The following GFRA3 variants were observed in gnomAD, a reference collection of about 807,000 sequenced individuals.
GFRA3 encodes GDNF family receptor alpha-3.
A neutral mutation model predicts 40.0 loss-of-function variants in GFRA3; 24 were observed. That is an observed-to-expected ratio of 0.60 (90% CI 0.43 to 0.84). The LOEUF (loss-of-function observed/expected upper bound fraction) is 0.84. GFRA3 is among the 40% of genes least tolerant of loss of function. GFRA3 has a pLI of 0.00. For synonymous variants in GFRA3, 203 were observed against 213.5 expected, an observed-to-expected ratio of 0.95 and a Z score of 0.43; for missense variants, 405 against 530.6, an observed-to-expected ratio of 0.76 and a Z score of 2.33.
intron 2 of GFRA3, among the ~76,000 whole-genome samples, chr5:138,260,701 G>A (rs748911710): frequency 1.3e-4 from 19 of 151,750 alleles, no homozygotes; most frequent in African/African-American, 4.4e-4. Flanking sequence ...CCCGGGAGGC[G>A]GAGGCTGCAG....
intron 1 of GFRA3, among the ~76,000 whole-genome samples, chr5:138,267,911 G>A (rs900965404): frequency 6.6e-6 from 1 of 152,110 alleles, no homozygotes; most frequent in Non-Finnish European, 1.5e-5. Flanking sequence ...TTCAACAAAC[G>A]GTGCTGGGAT....
chr5:138,262,068 C>T (rs779398647), intron 2 of GFRA3, among the ~76,000 whole-genome samples: 7 of 152,134 alleles, frequency 4.6e-5, no homozygotes, highest in Non-Finnish European at 1.0e-4. Context: ...AAGATATAAG[C>T]AGCAATTATG....
intron 2 of GFRA3, among the ~76,000 whole-genome samples, chr5:138,261,991 G>C (rs913237879): frequency 2.0e-5 from 3 of 152,132 alleles, no homozygotes; most frequent in African/African-American, 7.2e-5. Context: ...CTTCTAATTA[G>C]GTGTAGAAAA....
chr5:138,265,061 C>G (rs1158166436), intron 1 of GFRA3, among the ~76,000 whole-genome samples: 1 of 152,076 alleles, frequency 6.6e-6, no homozygotes, highest in Non-Finnish European at 1.5e-5. Flanking sequence ...GAAAGGGTAA[C>G]CTGACCCTGT....
rs111465858 is a variant in GFRA3, at chr5:138,263,418, T to C, written c.379+843A>G. Among the ~76,000 whole-genome samples the C allele has an allele frequency of 2.2e-4, 33 of 152,382 alleles. 1 individual carries two copies. The highest frequency in any genetic ancestry group is 7.5e-4 in the African/African-American group (31 of 41,596). On this transcript the variant is annotated intron_variant, in intron 2 of 7. Transcript: ENST00000274721. ...TCTTTGCCTTCCCTGTAAGATTGTA[T>C]ATCCTCACTTATTGCCATGTGATTT...
At chr5:138,265,309 C>T (rs1045561971) in intron 1 of GFRA3, among the ~76,000 whole-genome samples, 1 of 149,956 alleles carries the variant, frequency 6.7e-6, no homozygotes, top group Non-Finnish European at 1.5e-5. Context: ...CTCCGCCTCC[C>T]GGGTTCAAGC....
chr5:138,266,352 A>T (rs1755782771), intron 1 of GFRA3, among the ~76,000 whole-genome samples: 1 of 152,200 alleles, frequency 6.6e-6, no homozygotes, highest in Non-Finnish European at 1.5e-5. Flanking sequence ...CCATTAAAAA[A>T]AATTATAACC....
At chr5:138,261,198 T>C (rs1283390547) in intron 2 of GFRA3, among the ~76,000 whole-genome samples, 2 of 152,124 alleles carry the variant, frequency 1.3e-5, no homozygotes, top group Non-Finnish European at 2.9e-5. Flanking sequence ...GGTAAAATTG[T>C]TGTGTGTGAT....
chr5:138,272,246 T>C (rs183871491), intron 1 of GFRA3, among the ~76,000 whole-genome samples: 193 of 151,532 alleles, frequency 1.3e-3, no homozygotes, highest in Middle Eastern at 0.01. Context: ...GACCTCGTGA[T>C]CTACCCGTCT....
chr5:138,268,896 G>A (rs1197361168), intron 1 of GFRA3, among the ~76,000 whole-genome samples: 4 of 144,848 alleles, frequency 2.8e-5, no homozygotes, highest in African/African-American at 7.6e-5. Context: ...CTGCACTCCA[G>A]CCTGGGTGAC....
At position 138,264,566 on chromosome 5, in the gene GFRA3, A is replaced by T; in HGVS notation, c.92-18T>A. 6.4e-7 allele frequency: 1 copy of T among 1,553,210 alleles called. No homozygotes were observed. Among genetic ancestry groups the T allele is most frequent in the African/African-American group, 1.4e-5 (1 of 73,698 alleles). On this transcript the variant is annotated intron_variant, in intron 1 of 7. Coordinates refer to ENST00000274721, the MANE Select transcript of GFRA3 (RefSeq NM_001496.4). ...GGGGTCTCCTGTAAAGGGAGATACC[A>T]GGTGAGGCTACGTAAGATTAGAATA... is the stretch of plus-strand genomic sequence containing the variant.
rs971039030 is a variant in GFRA3 at position 138,264,473 on chromosome 5, G to C, written c.167C>G (p.Thr56Ser). The change falls in exon 2 of 8, where the codon ACC (threonine) becomes AGC (serine). Residue 56 changes from threonine to serine, a missense_variant. Physicochemically the swap from Thr to Ser is moderately conservative, Grantham distance 58 (BLOSUM62 1). Coordinates refer to ENST00000274721, the MANE Select transcript of GFRA3 (RefSeq NM_001496.4). Reference protein sequence around the residue: ...QARRKCQADPTCSAAYHHLDS... With the variant: ...QARRKCQADPSCSAAYHHLDS... ...CAGGTGGTGGTAGGCAGCACTGCAGGTGGGATCAGCCTGGCACTTCCTCCT... is the reference window on the plus strand; with the variant it reads ...CAGGTGGTGGTAGGCAGCACTGCAGCTGGGATCAGCCTGGCACTTCCTCCT... The C allele has an allele frequency of 6.2e-7, 1 of 1,613,194 alleles. No individual in the cohort carries two copies. Among genetic ancestry groups the C allele is most frequent in the Non-Finnish European group, 8.5e-7 (1 of 1,179,270 alleles).
chr5:138,264,813 G>T (rs1755760621), intron 1 of GFRA3, among the ~76,000 whole-genome samples: 1 of 152,124 alleles, frequency 6.6e-6, no homozygotes. Flanking sequence ...TCAGGGAGGT[G>T]AAGGGAATAG....
intron 1 of GFRA3, among the ~76,000 whole-genome samples, chr5:138,273,731 G>C (rs1483713836): frequency 6.6e-6 from 1 of 152,152 alleles, no homozygotes; most frequent in African/African-American, 2.4e-5. Flanking sequence ...GTTCTTCCTT[G>C]GGGGAGTGGC....
At chr5:138,272,244 G>A (rs1342410205) in intron 1 of GFRA3, among the ~76,000 whole-genome samples, 1 of 150,878 alleles carries the variant, frequency 6.6e-6, no homozygotes, top group Non-Finnish European at 1.5e-5. Flanking sequence ...CTGACCTCGT[G>A]ATCTACCCGT....
rs1755924801 is a variant in GFRA3 at position 138,274,592 on chromosome 5, G to GTCCACACCACGCGCC, written c.-183_-169dup. On this transcript the variant is annotated 5_prime_UTR_variant, in exon 1 of 8. Coordinates refer to ENST00000274721, the MANE Select transcript of GFRA3 (RefSeq NM_001496.4). ...GCCGCCCTCCAACTCCGAAGCGCGC[G>GTCCACACCACGCGCC]TCCACACCACGCGCCTCCAGCGCTG... 8.2e-7 allele frequency: 1 copy of GTCCACACCACGCGCC among 1,225,498 alleles called. No homozygotes were observed. The highest frequency in any genetic ancestry group is 1.0e-6 in the Non-Finnish European group (1 of 984,480). 75.9% of individuals were successfully genotyped at this position (1,225,498 alleles called of 1,614,324 possible).
Position 138,253,344 on chromosome 5 carries a change from G to T in GFRA3, c.1056C>A (p.His352Gln). 6.2e-7 allele frequency: 1 copy of T among 1,604,050 alleles called. No individual in the cohort carries two copies. The highest frequency in any genetic ancestry group is 8.5e-7 in the Non-Finnish European group (1 of 1,174,920). ...TEAIAAKMRF[H>Q]SQLFSQDWPH... Reference sequence around the variant, plus strand: ...GCCAGTCCTGGGAGAAGAGTTGGCTGTGAAAACGCATCTTAGCTGCAATGG... The same window carrying T: ...GCCAGTCCTGGGAGAAGAGTTGGCTTTGAAAACGCATCTTAGCTGCAATGG... Residue 352 changes from histidine to glutamine, a missense_variant, in exon 7 of 8, where the codon CAC (histidine) becomes CAA (glutamine). Transcript: ENST00000274721.
Position 138,252,949 on chromosome 5 carries a change from G to C in GFRA3, c.*19C>G, listed in dbSNP as rs762143177. The stretch of plus-strand genomic sequence containing the variant: ...CACCTGGGTGTGGTGGAGGGGAAGA[G>C]GGCCCTGGGGAAGTCCAGCTACCAT... On this transcript the variant is annotated 3_prime_UTR_variant, in exon 8 of 8. Coordinates refer to ENST00000274721, the MANE Select transcript of GFRA3 (RefSeq NM_001496.4). The C allele has an allele frequency of 7.1e-7, 1 of 1,416,716 alleles. No individual in the cohort carries two copies. The highest frequency in any genetic ancestry group is 1.7e-5 in the Admixed American group (1 of 59,498). 87.8% of individuals were successfully genotyped at this position (1,416,716 alleles called of 1,614,324 possible).
At chr5:138,264,180 G>C (rs1041985946) in intron 2 of GFRA3, 81 bp downstream of exon 2, 15 of 978,364 alleles carry the variant, frequency 1.5e-5, no homozygotes, top group Non-Finnish European at 2.3e-5. Flanking sequence ...TCTACCATGT[G>C]GCCCATATCC....
Sources: allele counts gnomAD v4.1 joint callset (sites outside exome capture counted in the v4.1 genomes callset), GRCh38; gene constraint gnomAD v4.1.1; transcripts MANE v1.5; gene names NCBI Gene and HGNC (gene_info 2026-07-23, HGNC 2026-07-21).